Variants in NEXN observed in about 807,000 individuals in gnomAD.
The protein encoded by NEXN is nexilin.
NEXN carries 65 observed loss-of-function variants against 92.6 expected under a neutral mutation model. The ratio of observed to expected loss-of-function variants is 0.70; its 90% CI spans 0.57 to 0.86. The LOEUF (loss-of-function observed/expected upper bound fraction) is 0.86, where lower values mean the gene tolerates loss of function less well. Ranked by LOEUF, NEXN falls within the 40% of genes least tolerant of loss-of-function variation. NEXN has a pLI of 0.00. For synonymous variants in NEXN, 254 were observed against 242.5 expected (o/e 1.05, Z -0.44); for missense variants, 778 against 771.1 (o/e 1.01, Z -0.11).
chr1:77,935,271 C>T (rs1430093494), intron 10 of NEXN, among the ~76,000 whole-genome samples: 1 of 152,152 alleles, frequency 6.6e-6, no homozygotes, highest in East Asian at 1.9e-4. Flanking sequence ...CTCCCGACCT[C>T]AGGTGATCTG....
At chr1:77,939,740 A>T (rs533709352) in intron 11 of NEXN, among the ~76,000 whole-genome samples, 2 of 152,288 alleles carry the variant, frequency 1.3e-5, no homozygotes, top group East Asian at 3.9e-4. Context: ...CCCTCCTATC[A>T]TATCTTTCTG....
chr1:77,926,426 T>C lies in NEXN; in HGVS notation c.502T>C (p.Ser168Pro). 1.3e-6 allele frequency: 2 copies of C among 1,596,988 alleles called. No homozygotes were observed. The highest frequency in any genetic ancestry group is 1.7e-6 in the Non-Finnish European group (2 of 1,168,296). ...TESASEEGDDSLLITVVPVKS... is the reference protein window; with the variant it reads ...TESASEEGDDPLLITVVPVKS... The stretch of plus-strand genomic sequence containing the variant: ...TTTTATAAAATAGGAAGGAGATGAT[T>C]CACTACTTATAACTGTGGTACCTGT... The change falls in exon 7 of 13, where the codon TCA becomes CCA. Residue 168 changes from serine (S) to proline (P), a missense_variant. Physicochemically the swap from Ser to Pro is moderately conservative, Grantham distance 74 (BLOSUM62 -1). Coordinates refer to ENST00000334785, the MANE Select transcript of NEXN (RefSeq NM_144573.4).
intron 5 of NEXN, among the ~76,000 whole-genome samples, chr1:77,919,420 G>A (rs1471021517): frequency 2.6e-5 from 4 of 152,166 alleles, no homozygotes; most frequent in Non-Finnish European, 5.9e-5. Context: ...GACGATGAAA[G>A]CAAAGCATAT....
intron 10 of NEXN, among the ~76,000 whole-genome samples, chr1:77,933,827 C>T (rs1409518961): frequency 2.6e-5 from 4 of 152,044 alleles, no homozygotes; most frequent in Admixed American, 2.0e-4. Context: ...ACTCACAAGA[C>T]GCCATGTTCA....
At chr1:77,906,116 CAG>C (rs1418283220) in intron 1 of NEXN, among the ~76,000 whole-genome samples, 1 of 151,792 alleles carries the variant, frequency 6.6e-6, no homozygotes, top group Non-Finnish European at 1.5e-5. Context: ...AAGGAATGCT[CAG>C]AGACATGAAA....
At chr1:77,934,027 T>TTTTTTTTG (rs1650535247) in intron 10 of NEXN, among the ~76,000 whole-genome samples, 1 of 149,154 alleles carries the variant, frequency 6.7e-6, no homozygotes, top group Non-Finnish European at 1.5e-5. Context: ...TTTTTTTTTT[T>TTTTTTTTG]GAGATGGAGT....
In NEXN at chr1:77,942,964, A is replaced by G; in HGVS notation, c.*135A>G. 3 of 1,247,100 alleles carry G rather than the reference A, an allele frequency of 2.4e-6. No homozygotes were observed. The highest frequency in any genetic ancestry group is 4.0e-5 in the Admixed American group (2 of 49,830). 77.3% of individuals were successfully genotyped at this position (1,247,100 alleles called of 1,614,324 possible). On this transcript the variant is annotated 3_prime_UTR_variant, in exon 13 of 13. Coordinates refer to ENST00000334785, the MANE Select transcript of NEXN (RefSeq NM_144573.4). Reference sequence around the variant, plus strand: ...TCTCTTTCACTCCAACTTTCTTACTACATCCATCTTTTCTGTGGCGGGGCC... The same window carrying G: ...TCTCTTTCACTCCAACTTTCTTACTGCATCCATCTTTTCTGTGGCGGGGCC...
chr1:77,916,205 A>G lies in NEXN; in HGVS notation c.27+72A>G. On this transcript the variant is annotated intron_variant, in intron 2 of 12. Transcript: ENST00000334785. ...TTGACTGTAGAATTGCTGAAAGGACAGTCATTTGGTGGAAAGGTCATATTT... is the reference window on the plus strand; with the variant it reads ...TTGACTGTAGAATTGCTGAAAGGACGGTCATTTGGTGGAAAGGTCATATTT... The G allele has an allele frequency of 2.4e-6, 3 of 1,231,072 alleles. No individual in the cohort carries two copies. The South Asian group carries it at 3.8e-5, about 16-fold the overall frequency. The allele number at this position is 1,231,072 out of a possible 1,614,324, so 76.3% of individuals were successfully genotyped here. A position where few individuals can be genotyped will look rare whatever the true frequency, so the allele number is the denominator to read the frequency against.
chr1:77,904,778 G>A (rs1376217866), intron 1 of NEXN, among the ~76,000 whole-genome samples: 1 of 152,208 alleles, frequency 6.6e-6, no homozygotes, highest in African/African-American at 2.4e-5. Flanking sequence ...AGTAGGCATG[G>A]TTGATGTTAG....
chr1:77,938,198 A>C (rs1650939026), intron 11 of NEXN, among the ~76,000 whole-genome samples: 1 of 152,222 alleles, frequency 6.6e-6, no homozygotes, highest in Admixed American at 6.5e-5. Flanking sequence ...TGTGTGACAT[A>C]CAAGCCTAAG....
intron 1 of NEXN, among the ~76,000 whole-genome samples, chr1:77,911,613 T>G (rs1314497852): frequency 6.6e-6 from 1 of 151,668 alleles, no homozygotes; most frequent in East Asian, 1.9e-4. Context: ...CAAAACAACT[T>G]TGCTTCATGC....
At chr1:77,891,747 T>TAAAAAAAAAAAAA (rs373772489) in intron 1 of NEXN, among the ~76,000 whole-genome samples, 1 of 129,034 alleles carries the variant, frequency 7.7e-6, no homozygotes, top group Non-Finnish European at 1.6e-5. Flanking sequence ...GGAAAAAAAG[T>TAAAAAAAAAAAAA]AAAAAAAAAA....
chr1:77,900,574 A>G (rs944715326), intron 1 of NEXN, among the ~76,000 whole-genome samples: 1 of 152,218 alleles, frequency 6.6e-6, no homozygotes, highest in African/African-American at 2.4e-5. Flanking sequence ...AAATTTGAAA[A>G]AATGCAGCTT....
rs1193200803 is a variant in NEXN at position 77,942,047 on chromosome 1, G to T, written c.1498G>T (p.Ala500Ser). ...HEEDDVDVRPARKSEAPFTHK... is the reference protein window; with the variant it reads ...HEEDDVDVRPSRKSEAPFTHK... Reference sequence around the variant, plus strand: ...GGAAGATGATGTTGATGTTAGGCCTGCAAGAAAAAGCGAGGCTCCATTTAC... The same window carrying T: ...GGAAGATGATGTTGATGTTAGGCCTTCAAGAAAAAGCGAGGCTCCATTTAC... The change falls in exon 12 of 13, where the codon GCA (alanine) becomes TCA (serine). Residue 500 changes from alanine to serine, a missense_variant. This residue lies in a region of NEXN where 532 missense variants were observed against 476.7 expected (regional missense o/e 1.12). Transcript: ENST00000334785. 6.2e-7 allele frequency: 1 copy of T among 1,612,994 alleles called. No homozygotes were observed. The highest frequency in any genetic ancestry group is 1.3e-5 in the African/African-American group (1 of 74,862).
chr1:77,941,289 T>C (rs1387358527), intron 11 of NEXN, among the ~76,000 whole-genome samples: 1 of 152,070 alleles, frequency 6.6e-6, no homozygotes, highest in Non-Finnish European at 1.5e-5. Context: ...AACCATGAAT[T>C]AACTACCCAC....
At chr1:77,908,076 C>T (rs898316575) in intron 1 of NEXN, among the ~76,000 whole-genome samples, 1 of 151,912 alleles carries the variant, frequency 6.6e-6, no homozygotes, top group African/African-American at 2.4e-5. Flanking sequence ...GAGTGAGACC[C>T]CTGTCTCTAT....
At chr1:77,915,627 C>CAAAACA (rs796207465) in intron 1 of NEXN, among the ~76,000 whole-genome samples, 6 of 151,860 alleles carry the variant, frequency 4.0e-5, no homozygotes, top group Non-Finnish European at 5.9e-5. Context: ...GATTTCATCT[C>CAAAACA]AAAACAAAAA....
intron 2 of NEXN, 32 bp downstream of exon 2, chr1:77,916,165 G>C (rs747831758): frequency 1.3e-6 from 2 of 1,553,550 alleles, no homozygotes; most frequent in Non-Finnish European, 1.8e-6. Context: ...AAAAATAAAA[G>C]AGGGAAATGT....
chr1:77,913,505 A>T (rs2102079306), intron 1 of NEXN, among the ~76,000 whole-genome samples: 1 of 152,004 alleles, frequency 6.6e-6, no homozygotes, highest in South Asian at 2.1e-4. Flanking sequence ...AAGGTGCTTT[A>T]ATATATTATT....
Sources: allele counts gnomAD v4.1 joint callset (sites outside exome capture counted in the v4.1 genomes callset), GRCh38; gene constraint gnomAD v4.1.1; regional missense constraint gnomAD v4.1.1; transcripts MANE v1.5; gene names NCBI Gene and HGNC (gene_info 2026-07-23, HGNC 2026-07-21).